The following DNMBP variants were observed in gnomAD, a reference collection of about 807,000 sequenced individuals.
DNMBP encodes the protein dynamin binding protein, also known as dynamin-binding protein.
In DNMBP, 87 loss-of-function variants were observed where a neutral mutation model predicts 150.0. The observed-to-expected ratio is 0.58, with a 90% CI of 0.49 to 0.69. The LOEUF is 0.69. Among genes scored for constraint, DNMBP ranks in the 30% least tolerant of loss-of-function variants. The pLI, the probability that DNMBP is intolerant of heterozygous loss-of-function variation, is 0.00. For synonymous variants in DNMBP, 711 were observed against 750.4 expected (o/e 0.95, Z 0.86); for missense variants, 1,774 against 1,949.0 (o/e 0.91, Z 1.69).
At chr10:99,892,537 G>A (rs955326359) in intron 11 of DNMBP, among the ~76,000 whole-genome samples, 13 of 128,958 alleles carry the variant, frequency 1.0e-4, no homozygotes, top group African/African-American at 4.0e-4. Flanking sequence ...GATGTGCTTT[G>A]TTAAACAGAT....
intron 14 of DNMBP, among the ~76,000 whole-genome samples, chr10:99,885,190 A>C (rs2039437608): frequency 6.6e-6 from 1 of 152,050 alleles, no homozygotes; most frequent in Non-Finnish European, 1.5e-5. Context: ...TGAACCAATG[A>C]ATTAATACTG....
At chr10:99,903,560 C>T (rs559130145) in intron 6 of DNMBP, among the ~76,000 whole-genome samples, 3 of 151,968 alleles carry the variant, frequency 2.0e-5, no homozygotes, top group South Asian at 4.2e-4. Context: ...CTCGAACTCC[C>T]GAGCTCAGCA....
chr10:99,890,090 T>C (rs2039534357), intron 11 of DNMBP, among the ~76,000 whole-genome samples: 1 of 152,238 alleles, frequency 6.6e-6, no homozygotes, highest in East Asian at 1.9e-4. Context: ...CTTTTGTCTT[T>C]AATATTTATA....
chr10:99,987,433 G>A (rs1418887432), intron 1 of DNMBP, among the ~76,000 whole-genome samples: 5 of 152,118 alleles, frequency 3.3e-5, no homozygotes, highest in African/African-American at 1.2e-4. Flanking sequence ...TAAGATAAGA[G>A]TAGCTGGGAT....
chr10:99,917,992 AAAAG>A (rs1325941231), intron 4 of DNMBP, among the ~76,000 whole-genome samples: 4 of 53,806 alleles, frequency 7.4e-5, no homozygotes, highest in East Asian at 3.3e-4. Flanking sequence ...AAAAAAAAAG[AAAAG>A]AAAGGAAAAC....
chr10:99,880,920 C>A (rs972285948), intron 15 of DNMBP, among the ~76,000 whole-genome samples: 1 of 152,126 alleles, frequency 6.6e-6, no homozygotes, highest in Non-Finnish European at 1.5e-5. Context: ...GAGACTTCAT[C>A]TCTATTTGAA....
rs762713219 is a variant in DNMBP at position 99,880,228 on chromosome 10, C to G, written c.4131G>C (p.Gln1377His). 1 of 1,614,122 alleles carries G rather than the reference C, an allele frequency of 6.2e-7. No individual in the cohort carries two copies. Among genetic ancestry groups the G allele is most frequent in the East Asian group, 2.2e-5 (1 of 44,872 alleles). Residue 1377 changes from glutamine (Q) to histidine (H), a missense_variant, in exon 16 of 17, where the codon CAG becomes CAC. Physicochemically the swap from Gln to His is conservative, Grantham distance 24. Transcript: ENST00000324109. ...HGSSSPRFPR[Q>H]NSGSTLTFNP... ...TGAAGGTCAGGGTGCTGCCGCTGTT[C>G]TGGCGTGGGAACCTGGGGGAGGAGC...
At chr10:99,920,601 T>C (rs932474580) in intron 4 of DNMBP, among the ~76,000 whole-genome samples, 2 of 152,182 alleles carry the variant, frequency 1.3e-5, no homozygotes, top group African/African-American at 2.4e-5. Context: ...GGACATGTTA[T>C]ACAACCTTTC....
intron 4 of DNMBP, among the ~76,000 whole-genome samples, chr10:99,940,073 C>G (rs947290450): frequency 6.6e-6 from 1 of 152,212 alleles, no homozygotes; most frequent in Non-Finnish European, 1.5e-5. Flanking sequence ...GTCAATCACT[C>G]TTTCTTCATG....
At chr10:99,977,719 A>T (rs1303625721) in intron 1 of DNMBP, among the ~76,000 whole-genome samples, 1 of 152,104 alleles carries the variant, frequency 6.6e-6, no homozygotes, top group African/African-American at 2.4e-5. Context: ...TGATGAACAA[A>T]CGATTTGTTG....
intron 6 of DNMBP, among the ~76,000 whole-genome samples, chr10:99,902,245 G>T (rs1365736338): frequency 1.4e-5 from 2 of 147,686 alleles, no homozygotes; most frequent in African/African-American, 4.9e-5. Flanking sequence ...TTCTGTAAGA[G>T]AAACTTAACT....
intron 11 of DNMBP, 33 bp from the exon 12 acceptor site, chr10:99,888,986 C>G (rs1333572631): frequency 6.2e-7 from 1 of 1,610,460 alleles, no homozygotes; most frequent in Non-Finnish European, 8.5e-7. Context: ...CAAGTCAGAA[C>G]AGACAGAACT....
At chr10:99,917,968 C>CAAAAAAAAA (rs749252887) in intron 4 of DNMBP, among the ~76,000 whole-genome samples, 33 of 51,930 alleles carry the variant, frequency 6.4e-4, no homozygotes, top group Admixed American at 9.2e-4. Context: ...GACTCTGTCT[C>CAAAAAAAAA]AAAAAAAAAA....
In DNMBP at chr10:99,955,849, C is replaced by T; in HGVS notation, c.1625G>A (p.Gly542Glu). The stretch of plus-strand genomic sequence containing the variant: ...CGAGTCCAGGTCAGTGCTGCCGTCT[C>T]CCTGTGAATGTGTTGCTGCTTCCAT... Reference protein sequence around the residue: ...LVMEAATHSQGDGSTDLDSKL... With the variant: ...LVMEAATHSQEDGSTDLDSKL... The change falls in exon 4 of 17, where the codon GGA becomes GAA. Residue 542 changes from glycine (G) to glutamate (E), a missense_variant. Around this residue, in one of 2 missense-constraint regions of DNMBP, gnomAD observed 1,430 missense variants for 1,492.5 expected, o/e 0.96. Transcript: ENST00000324109. 1 of 1,614,230 alleles carries T rather than the reference C, an allele frequency of 6.2e-7. No homozygotes were observed. Among genetic ancestry groups the T allele is most frequent in the Non-Finnish European group, 8.5e-7 (1 of 1,180,030 alleles).
At chr10:99,897,672 C>T (rs1437369550) in intron 9 of DNMBP, among the ~76,000 whole-genome samples, 1 of 152,150 alleles carries the variant, frequency 6.6e-6, no homozygotes, top group African/African-American at 2.4e-5. Context: ...TGCAGTGGCT[C>T]ACGCCTATAA....
rs1370412286 is a variant in DNMBP, at chr10:99,900,003, T to C, written c.2618A>G (p.His873Arg). Residue 873 changes from histidine to arginine, a missense_variant, in exon 7 of 17, where the codon CAT becomes CGT. Coordinates refer to ENST00000324109, the MANE Select transcript of DNMBP (RefSeq NM_015221.4). ...EGTYKIYCQN[H>R]DEAIALLEIY... ...TTCAAGCAGCGCAATGGCCTCATCATGATTCTGGCAGTAAATCTTGTATGT... is the reference window on the plus strand; with the variant it reads ...TTCAAGCAGCGCAATGGCCTCATCACGATTCTGGCAGTAAATCTTGTATGT... The C allele has an allele frequency of 6.2e-7, 1 of 1,614,060 alleles. No homozygotes were observed. Among genetic ancestry groups the C allele is most frequent in the Non-Finnish European group, 8.5e-7 (1 of 1,180,040 alleles).
intron 1 of DNMBP, among the ~76,000 whole-genome samples, chr10:100,005,785 C>CAAAA (rs532749680): frequency 9.2e-6 from 1 of 108,500 alleles, no homozygotes; most frequent in Non-Finnish European, 1.8e-5. Flanking sequence ...AAAAAAAAAA[C>CAAAA]CAAACTACAT....
chr10:99,965,353 C>T lies in DNMBP; in HGVS notation c.268+3762G>A, dbSNP rs186710024. Among the ~76,000 whole-genome samples, 509 of 152,244 alleles carry T rather than the reference C, an allele frequency of 3.3e-3. 3 individuals carry two copies. The highest frequency in any genetic ancestry group is 0.01 in the Middle Eastern group (3 of 294). ...TATCCCCTAAGCTATACTGCCTGCT[C>T]TAAATACATATAGACATCTATAAAT... On this transcript the variant is annotated intron_variant, in intron 3 of 16. Coordinates refer to ENST00000324109, the MANE Select transcript of DNMBP (RefSeq NM_015221.4).
In DNMBP at chr10:99,981,711, G is replaced by A. The variant is rs919981467; in HGVS notation, c.-10-9577C>T. On this transcript the variant is annotated intron_variant, in intron 1 of 16. Coordinates refer to ENST00000324109, the MANE Select transcript of DNMBP (RefSeq NM_015221.4). Reference sequence around the variant, plus strand: ...AGCCTACCCTGTGTTCCCGGAGGCTGGCCCACCAGAACTGAACAAGGCCTC... The same window carrying A: ...AGCCTACCCTGTGTTCCCGGAGGCTAGCCCACCAGAACTGAACAAGGCCTC... Among the ~76,000 whole-genome samples, 5 of 152,130 alleles carry A rather than the reference G, an allele frequency of 3.3e-5. No individual in the cohort carries two copies. In the East Asian group the frequency reaches 9.6e-4, roughly 29 times the overall value.
Sources: gnomAD v4.1 joint callset for allele counts (sites outside exome capture counted in the v4.1 genomes callset) on GRCh38, gnomAD v4.1.1 for gene constraint, gnomAD v4.1.1 regional missense constraint, MANE v1.5 for transcripts, NCBI Gene and HGNC (gene_info 2026-07-23, HGNC 2026-07-21) for gene names.